The following NIT2 variants were observed in gnomAD, a reference collection of about 807,000 sequenced individuals.
The protein encoded by NIT2 is omega-amidase NIT2.
Under a neutral mutation model 42.7 loss-of-function variants are expected in NIT2, and 46 were observed. The observed-to-expected ratio is 1.08, with a 90% CI of 0.85 to 1.38. The LOEUF is 1.38. Ranked by LOEUF, NIT2 falls within the 40% of genes most tolerant of loss-of-function variation. The probability of loss-of-function intolerance (pLI) is 0.00; values close to 1 mark genes in which losing one functional copy is unlikely to be tolerated. For missense variants in NIT2, 309 were observed against 342.5 expected (o/e 0.90, Z 0.77); for synonymous variants, 123 against 121.9 (o/e 1.01, Z -0.06).
In NIT2 at chr3:100,339,196, T is replaced by G. The variant is rs1706116690; in HGVS notation, c.117T>G (p.Val39=). The change falls in exon 2 of 10, where the codon GTT becomes GTG. Residue 39 remains valine, a synonymous_variant. Transcript: ENST00000394140. ...CAGCAACGCAAGGAGCCAAAATAGT[T>G]TCTTTGCCGGTCAGTATGGGAGCAG... ...REAATQGAKI[V]SLPECFNSPY... is the part of the protein sequence containing the mutation. The G allele has an allele frequency of 6.2e-7, 1 of 1,607,620 alleles. No homozygotes were observed. The highest frequency in any genetic ancestry group is 8.5e-7 in the Non-Finnish European group (1 of 1,174,100).
intron 8 of NIT2, among the ~76,000 whole-genome samples, chr3:100,353,438 A>T (rs1408947387): frequency 1.3e-5 from 2 of 152,210 alleles, no homozygotes; most frequent in Non-Finnish European, 2.9e-5. Context: ...AGATATGACT[A>T]GTGTGAGATT....
rs1054781217 is a variant in NIT2, at chr3:100,354,386, G to C, written c.684-386G>C. On this transcript the variant is annotated intron_variant, in intron 8 of 9. Coordinates refer to ENST00000394140, the MANE Select transcript of NIT2 (RefSeq NM_020202.5). ...GTGGGTCTGGACTGCCATTGTAAAG[G>C]GGGGGTCCACTGAAATGCACTCATG... is the stretch of plus-strand genomic sequence containing the variant. 5.3e-5 allele frequency among the ~76,000 whole-genome samples: 8 copies of C among 152,340 alleles called. No homozygotes were observed. In the East Asian group the frequency reaches 5.8e-4, roughly 11 times the overall value.
At chr3:100,346,673 T>C (rs896038012) in intron 6 of NIT2, among the ~76,000 whole-genome samples, 2 of 152,158 alleles carry the variant, frequency 1.3e-5, no homozygotes, top group African/African-American at 4.8e-5. Flanking sequence ...TCAAAAGATG[T>C]GGGTTCTAGT....
In NIT2 at chr3:100,345,625, T is replaced by C. The variant is rs1010553561; in HGVS notation, c.377T>C (p.Phe126Ser). 1.2e-6 allele frequency: 2 copies of C among 1,613,130 alleles called. No individual in the cohort carries two copies. The highest frequency in any genetic ancestry group is 1.7e-5 in the Admixed American group (1 of 59,976). The change falls in exon 5 of 10, where the codon TTT becomes TCT. Residue 126 changes from phenylalanine to serine, a missense_variant. By Grantham distance (155) the Phe-to-Ser change is radical (BLOSUM62 -2). Coordinates refer to ENST00000394140, the MANE Select transcript of NIT2 (RefSeq NM_020202.5). ...ATTGATGTTCCTGGAAAAATTACAT[T>C]TCAAGAATCTAAAACATTGAGTCCG... ...FDIDVPGKIT[F>S]QESKTLSPGD... is the part of the protein sequence containing the mutation.
intron 8 of NIT2, among the ~76,000 whole-genome samples, chr3:100,353,407 G>T (rs540008670): frequency 1.3e-5 from 2 of 152,176 alleles, no homozygotes; most frequent in Non-Finnish European, 2.9e-5. Context: ...AGCTCAATGT[G>T]TGTGGTGGGG....
chr3:100,356,052 G>T lies in NIT2; in HGVS notation c.*784G>T, dbSNP rs1706322467. On this transcript the variant is annotated 3_prime_UTR_variant, in exon 10 of 10. Coordinates refer to ENST00000394140, the MANE Select transcript of NIT2 (RefSeq NM_020202.5). The stretch of plus-strand genomic sequence containing the variant: ...TAGTAGTTCTTAGACAGCTTGGTTT[G>T]AGAATCCTTTTGCGGTTAAAAATTA... The T allele has an allele frequency of 6.6e-6, 1 of 152,194 alleles. No individual in the cohort carries two copies. 9.4% of individuals were successfully genotyped at this position (152,194 alleles called of 1,614,324 possible). A position where few individuals can be genotyped will look rare whatever the true frequency, so the allele number is the denominator to read the frequency against.
chr3:100,345,194 G>A (rs1477137931), intron 4 of NIT2, among the ~76,000 whole-genome samples: 2 of 152,058 alleles, frequency 1.3e-5, no homozygotes, highest in Admixed American at 1.3e-4. Context: ...CCTGACCTCA[G>A]GTGATCCGCC....
At chr3:100,350,802 C>T (rs1254063754) in intron 7 of NIT2, among the ~76,000 whole-genome samples, 1 of 152,108 alleles carries the variant, frequency 6.6e-6, no homozygotes, top group African/African-American at 2.4e-5. Flanking sequence ...GTGTGCTGCA[C>T]CCATTAACTC....
At chr3:100,335,977 T>G (rs569127599) in intron 1 of NIT2, among the ~76,000 whole-genome samples, 1 of 152,348 alleles carries the variant, frequency 6.6e-6, no homozygotes, top group Admixed American at 6.5e-5. Flanking sequence ...TATCTGCTGT[T>G]CTGATAACAG....
chr3:100,339,526 T>C (rs963754995), intron 2 of NIT2, among the ~76,000 whole-genome samples: 3 of 152,220 alleles, frequency 2.0e-5, no homozygotes, highest in Non-Finnish European at 4.4e-5. Flanking sequence ...TAAGTCTTTA[T>C]AGAACCAGAA....
Position 100,356,214 on chromosome 3 carries a change from T to C in NIT2, c.*946T>C, listed in dbSNP as rs1706323962. The C allele has an allele frequency of 6.6e-6, 1 of 152,218 alleles. No homozygotes were observed. The highest frequency in any genetic ancestry group is 1.5e-5 in the Non-Finnish European group (1 of 68,044). 9.4% of individuals were successfully genotyped at this position (152,218 alleles called of 1,614,324 possible). A position where few individuals can be genotyped will look rare whatever the true frequency, so the allele number is the denominator to read the frequency against. On this transcript the variant is annotated 3_prime_UTR_variant, in exon 10 of 10. Coordinates refer to ENST00000394140, the MANE Select transcript of NIT2 (RefSeq NM_020202.5). ...ACTATATATATGTATCTCAAAGACT[T>C]CAATGGGTTTTTGCTTACATGGGCC...
At chr3:100,343,001 A>G (rs78088953) in intron 4 of NIT2, among the ~76,000 whole-genome samples, 2,864 of 148,842 alleles carry the variant, frequency 0.019, 52 homozygotes, top group East Asian at 0.08. Flanking sequence ...CTGGAATAGA[A>G]TTTTGGATTG....
At chr3:100,335,256 T>C (rs1706055170) in intron 1 of NIT2, 1 of 205,428 alleles carries the variant, frequency 4.9e-6, no homozygotes, top group Admixed American at 6.4e-5. Context: ...TGTCACTTAC[T>C]TTGTTCAGTG....
Position 100,355,356 on chromosome 3 carries a change from T to G in NIT2, c.*88T>G, listed in dbSNP as rs2148885482. The G allele has an allele frequency of 9.5e-7, 1 of 1,056,066 alleles. No homozygotes were observed. The highest frequency in any genetic ancestry group is 2.6e-5 in the East Asian group (1 of 39,050). The allele number at this position is 1,056,066 out of a possible 1,614,324, so 65.4% of individuals were successfully genotyped here. A position where few individuals can be genotyped will look rare whatever the true frequency, so the allele number is the denominator to read the frequency against. On this transcript the variant is annotated 3_prime_UTR_variant, in exon 10 of 10. Transcript: ENST00000394140. ...TATTAAATTCTTTAATGAAGATTTT[T>G]TTTTTAATTCGGCCTTGTCCTTCCT...
Position 100,359,561 on chromosome 3 carries a change from T to G in NIT2, c.*4293T>G, listed in dbSNP as rs1001738236. The G allele has an allele frequency of 6.6e-6, 1 of 152,044 alleles. No homozygotes were observed. Among genetic ancestry groups the G allele is most frequent in the Non-Finnish European group, 1.5e-5 (1 of 68,056 alleles). 9.4% of individuals were successfully genotyped at this position (152,044 alleles called of 1,614,324 possible). ...AAAGACCGATTTGTAGACCTGTCCA[T>G]GTGGCCTCTCTCAACACCATTGGTG... On this transcript the variant is annotated 3_prime_UTR_variant, in exon 10 of 10. Transcript: ENST00000394140.
rs1706129759 is a variant in NIT2 at position 100,339,943 on chromosome 3, C to A, written c.247+8C>A. On this transcript the variant is annotated splice_region_variant and intron_variant, in intron 3 of 9. Transcript: ENST00000394140. ...GCATATATCTCATTGGAGGTAACTT[C>A]CTACCCACAAGGTATAATGACCTAA... 6.2e-7 allele frequency: 1 copy of A among 1,610,128 alleles called. No homozygotes were observed. The highest frequency in any genetic ancestry group is 1.1e-5 in the South Asian group (1 of 90,078).
intron 1 of NIT2, among the ~76,000 whole-genome samples, chr3:100,336,833 G>A (rs539037445): frequency 4.3e-4 from 66 of 152,262 alleles, no homozygotes; most frequent in African/African-American, 1.3e-3. Context: ...GCAAAGAGGC[G>A]TTCCTTCCTC....
intron 4 of NIT2, among the ~76,000 whole-genome samples, chr3:100,342,371 G>A (rs961391406): frequency 3.3e-5 from 5 of 151,992 alleles, no homozygotes; most frequent in African/African-American, 1.2e-4. Flanking sequence ...TATATTTAAT[G>A]CACTTATTGA....
chr3:100,340,313 A>C lies in NIT2; in HGVS notation c.247+378A>C, dbSNP rs773917856. Among the ~76,000 whole-genome samples, 4 of 152,044 alleles carry C rather than the reference A, an allele frequency of 2.6e-5. No homozygotes were observed. The East Asian group carries it at 7.7e-4, about 29-fold the overall frequency. Reference sequence around the variant, plus strand: ...ACTCCTAGGCTCAAGCAGTCTGCCCACCTTGGCCTTCCAAAGTGCTAGGAT... The same window carrying C: ...ACTCCTAGGCTCAAGCAGTCTGCCCCCCTTGGCCTTCCAAAGTGCTAGGAT... On this transcript the variant is annotated intron_variant, in intron 3 of 9. Transcript: ENST00000394140.
Sources: allele counts gnomAD v4.1 joint callset (sites outside exome capture counted in the v4.1 genomes callset), GRCh38; gene constraint gnomAD v4.1.1; transcripts MANE v1.5; gene names NCBI Gene and HGNC (gene_info 2026-07-23, HGNC 2026-07-21).